The following TYW1B variants were observed in gnomAD, a reference collection of about 807,000 sequenced individuals.
The protein encoded by TYW1B is S-adenosyl-L-methionine-dependent tRNA 4-demethylwyosine synthase TYW1B.
A neutral mutation model predicts 86.9 loss-of-function variants in TYW1B; 73 were observed. The observed-to-expected ratio is 0.84, with a 90% CI of 0.70 to 1.02. TYW1B has a LOEUF of 1.02. Ranked by LOEUF, TYW1B falls within the 50% of genes least tolerant of loss-of-function variation. The pLI is 0.00. For synonymous variants in TYW1B, 248 were observed against 292.8 expected (o/e 0.85, Z 1.56); for missense variants, 637 against 827.4 (o/e 0.77, Z 2.82).
intron 10 of TYW1B, among the ~76,000 whole-genome samples, chr7:72,696,691 A>G (rs2129570323): frequency 6.6e-6 from 1 of 152,244 alleles, no homozygotes; most frequent in Non-Finnish European, 1.5e-5. Flanking sequence ...AATATAGGCC[A>G]AACAGATGCT....
intron 13 of TYW1B, among the ~76,000 whole-genome samples, chr7:72,611,887 A>G (rs1324215087): frequency 6.6e-6 from 1 of 152,196 alleles, no homozygotes; most frequent in Non-Finnish European, 1.5e-5. Context: ...CTAAACCACG[A>G]GCTCCTTGTG....
chr7:72,825,387 T>C (rs1788911596), intron 2 of TYW1B, among the ~76,000 whole-genome samples: 1 of 152,154 alleles, frequency 6.6e-6, no homozygotes, highest in South Asian at 2.1e-4. Context: ...TACATAGATG[T>C]GTGACGTGAG....
rs186333820 is a variant in TYW1B at position 72,585,093 on chromosome 7, C to T, written c.1786-9374G>A. Among the ~76,000 whole-genome samples, 486 of 152,324 alleles carry T rather than the reference C, an allele frequency of 3.2e-3. 3 individuals carry two copies. Among genetic ancestry groups the T allele is most frequent in the African/African-American group, 0.011 (465 of 41,572 alleles). On this transcript the variant is annotated intron_variant, in intron 13 of 13. Coordinates refer to ENST00000620995, the MANE Select transcript of TYW1B (RefSeq NM_001145440.3). ...GGTTGCAGATGAAGAACTGACTTCC[C>T]ATCGGTTTCCCTTGTAACTTCTCCG...
At chr7:72,749,487 G>GT (rs1179602950) in intron 7 of TYW1B, among the ~76,000 whole-genome samples, 4 of 152,034 alleles carry the variant, frequency 2.6e-5, no homozygotes, top group South Asian at 4.1e-4. Flanking sequence ...TAGAGACGGG[G>GT]TTCACTGTAT....
chr7:72,805,236 G>A (rs1422114539), intron 5 of TYW1B, among the ~76,000 whole-genome samples: 2 of 22,780 alleles, frequency 8.8e-5, no homozygotes, highest in Non-Finnish European at 1.6e-4. Context: ...AAATCCACGG[G>A]TGGCTGCCTG....
At chr7:72,699,188 G>C (rs1202562796) in intron 10 of TYW1B, among the ~76,000 whole-genome samples, 8 of 152,172 alleles carry the variant, frequency 5.3e-5, no homozygotes, top group African/African-American at 1.9e-4. Context: ...GAAGGACACA[G>C]AGTTCATCAG....
At chr7:72,718,848 C>G (rs1384152487) in intron 9 of TYW1B, among the ~76,000 whole-genome samples, 1 of 152,152 alleles carries the variant, frequency 6.6e-6, no homozygotes, top group African/African-American at 2.4e-5. Flanking sequence ...ACCTAAAACT[C>G]AGAAAGTGGA....
intron 4 of TYW1B, among the ~76,000 whole-genome samples, chr7:72,809,962 T>C (rs1211794717): frequency 7.2e-6 from 1 of 139,722 alleles, no homozygotes; most frequent in Non-Finnish European, 1.5e-5. Context: ...ATCACGCCAC[T>C]GCACTCCAGC....
At chr7:72,706,663 G>C (rs567500813) in intron 10 of TYW1B, among the ~76,000 whole-genome samples, 1 of 152,252 alleles carries the variant, frequency 6.6e-6, no homozygotes, top group Non-Finnish European at 1.5e-5. Flanking sequence ...CAATTCCTCT[G>C]ACAAATGGCA....
intron 11 of TYW1B, among the ~76,000 whole-genome samples, chr7:72,679,927 C>T (rs1483735143): frequency 2.0e-5 from 3 of 152,120 alleles, no homozygotes; most frequent in Non-Finnish European, 4.4e-5. Flanking sequence ...GCCAGGAGTT[C>T]GAGACCAACC....
chr7:72,775,422 G>A (rs1787936848), intron 7 of TYW1B, among the ~76,000 whole-genome samples: 1 of 152,154 alleles, frequency 6.6e-6, no homozygotes, highest in Non-Finnish European at 1.5e-5. Flanking sequence ...GTAGCAGGAG[G>A]TTGGGAGAAG....
intron 2 of TYW1B, among the ~76,000 whole-genome samples, chr7:72,818,846 G>A (rs1225744895): frequency 2.0e-5 from 3 of 151,958 alleles, no homozygotes; most frequent in Non-Finnish European, 2.9e-5. Context: ...TCACTGTCAC[G>A]AGGACGGTAC....
chr7:72,725,892 A>T (rs1786990026), intron 9 of TYW1B, among the ~76,000 whole-genome samples: 1 of 152,116 alleles, frequency 6.6e-6, no homozygotes, highest in South Asian at 2.1e-4. Flanking sequence ...TCACACACGC[A>T]CACACATACA....
intron 7 of TYW1B, among the ~76,000 whole-genome samples, chr7:72,749,527 C>A (rs1787459206): frequency 6.6e-6 from 1 of 152,132 alleles, no homozygotes; most frequent in Non-Finnish European, 1.5e-5. Flanking sequence ...CTCCCAACCT[C>A]GTGATCTGCC....
chr7:72,692,831 G>A (rs1456288490), intron 11 of TYW1B, among the ~76,000 whole-genome samples: 3 of 152,154 alleles, frequency 2.0e-5, no homozygotes, highest in Non-Finnish European at 4.4e-5. Flanking sequence ...ACTCAGAAGG[G>A]AGAAGATGGT....
chr7:72,691,008 C>T (rs1814142991), intron 11 of TYW1B, among the ~76,000 whole-genome samples: 1 of 152,214 alleles, frequency 6.6e-6, no homozygotes, highest in Admixed American at 6.5e-5. Flanking sequence ...CCGCCTCAGC[C>T]TCCCAAAGTG....
In TYW1B at chr7:72,574,932, TA is replaced by T. The variant is rs539374351; in HGVS notation, c.*565del. Reference sequence around the variant, plus strand: ...ATGCAATTTTGGGAAGGGTTAGTAATAAACCAAAACTCAATCTATGCAGTAT... The same window carrying T: ...ATGCAATTTTGGGAAGGGTTAGTAATAACCAAAACTCAATCTATGCAGTAT... On this transcript the variant is annotated 3_prime_UTR_variant, in exon 14 of 14. Transcript: ENST00000620995. 151 of 986,742 alleles carry T rather than the reference TA, an allele frequency of 1.5e-4. 1 individual carries two copies. The African/African-American group carries it at 2.3e-3, about 15-fold the overall frequency. 61.1% of individuals were successfully genotyped at this position (986,742 alleles called of 1,614,324 possible).
At chr7:72,613,548 C>G (rs1811990200) in intron 13 of TYW1B, among the ~76,000 whole-genome samples, 1 of 151,712 alleles carries the variant, frequency 6.6e-6, no homozygotes, top group Non-Finnish European at 1.5e-5. Flanking sequence ...CCTGAGATTA[C>G]AGGCCCCCGC....
chr7:72,628,546 G>T (rs1812408476), intron 12 of TYW1B, among the ~76,000 whole-genome samples: 1 of 152,058 alleles, frequency 6.6e-6, no homozygotes, highest in East Asian at 1.9e-4. Context: ...CTGAAATAAA[G>T]GTTTATGTAA....
Sources: gnomAD v4.1 joint callset for allele counts (sites outside exome capture counted in the v4.1 genomes callset) on GRCh38, gnomAD v4.1.1 for gene constraint, MANE v1.5 for transcripts, NCBI Gene and HGNC (gene_info 2026-07-23, HGNC 2026-07-21) for gene names.